Variants in NHSL2 observed in about 807,000 individuals in gnomAD.
NHSL2 encodes NHS-like protein 2.
Under a neutral mutation model 53.4 loss-of-function variants are expected in NHSL2, and 27 were observed. The observed-to-expected ratio is 0.51, with a 90% CI of 0.37 to 0.70. NHSL2 has a LOEUF of 0.70. Ranked by LOEUF, NHSL2 falls within the 30% of genes least tolerant of loss-of-function variation. The pLI is 0.00. For synonymous variants in NHSL2, 408 were observed against 404.1 expected (o/e 1.01, Z -0.12); for missense variants, 892 against 980.1 (o/e 0.91, Z 1.20).
chrX:71,981,662 A>C (rs1361544822), intron 1 of NHSL2, among the ~76,000 whole-genome samples: 3 of 112,154 alleles, frequency 2.7e-5, no homozygotes, highest in African/African-American at 9.7e-5. Context: ...AAAATGAACA[A>C]AGATCTGAAT....
rs1442087118 is a variant in NHSL2 at position 72,132,125 on chromosome X, G to A, written c.327G>A (p.Ser109=). ...GRENATATAH[S]RSSWRQPVNV... The stretch of plus-strand genomic sequence containing the variant: ...AAAATGCGACAGCGACTGCCCACTC[G>A]AGGTCGTCATGGCGACAGCCAGTGA... The change falls in exon 2 of 8, where the codon TCG becomes TCA. Residue 109 remains serine (S), a synonymous_variant. Transcript: ENST00000633930. The A allele has an allele frequency of 1.8e-5, 21 of 1,165,188 alleles. No homozygotes were observed. Among genetic ancestry groups the A allele is most frequent in the Non-Finnish European group, 2.3e-5 (20 of 872,020 alleles).
intron 1 of NHSL2, among the ~76,000 whole-genome samples, chrX:72,121,450 A>G (rs371317500): frequency 2.7e-5 from 3 of 111,938 alleles, no homozygotes; most frequent in Admixed American, 9.4e-5. Context: ...CAACATTTCC[A>G]TGGTAAGGAA....
At chrX:72,027,976 T>TTGCTGCTGCTGCTGCTGCCGCTGC (rs886794290) in intron 1 of NHSL2, among the ~76,000 whole-genome samples, 1 of 111,472 alleles carries the variant, frequency 9.0e-6, no homozygotes, top group Non-Finnish European at 1.9e-5. Flanking sequence ...GGTGTTGAGT[T>TTGCTGCTGCTGCTGCTGCCGCTGC]TGCTGCTGCT....
chrX:72,114,680 T>C (rs374001676), intron 1 of NHSL2, among the ~76,000 whole-genome samples: 1 of 112,259 alleles, frequency 8.9e-6, no homozygotes, highest in Non-Finnish European at 1.9e-5. Context: ...AGATGTGACA[T>C]TGGACAAAGT....
At chrX:71,949,180 T>C (rs1352672873) in intron 1 of NHSL2, among the ~76,000 whole-genome samples, 1 of 111,634 alleles carries the variant, frequency 9.0e-6, no homozygotes, top group African/African-American at 3.3e-5. Context: ...ATATGGCAGT[T>C]TTTAAAATTA....
chrX:72,071,081 C>T lies in NHSL2; in HGVS notation c.281-60998C>T, dbSNP rs746702152. ...CAGGGCGTGGTGGGGAGAGAAGCTA[C>T]AGGAAAGCAACTTGGGATATGCTGG... On this transcript the variant is annotated intron_variant, in intron 1 of 7. Coordinates refer to ENST00000633930, the MANE Select transcript of NHSL2 (RefSeq NM_001013627.3). 5.4e-5 allele frequency among the ~76,000 whole-genome samples: 6 copies of T among 111,220 alleles called. No individual in the cohort carries two copies. The East Asian group carries it at 1.4e-3, about 26-fold the overall frequency.
rs182441897 is a variant in NHSL2 at position 72,106,385 on chromosome X, C to G, written c.281-25694C>G. ...GTTTAAAAAACGAATTTTCCACACTCAGAAGTGCAGCTTAAAAATAAATAA... is the reference window on the plus strand; with the variant it reads ...GTTTAAAAAACGAATTTTCCACACTGAGAAGTGCAGCTTAAAAATAAATAA... On this transcript the variant is annotated intron_variant, in intron 1 of 7. Coordinates refer to ENST00000633930, the MANE Select transcript of NHSL2 (RefSeq NM_001013627.3). Among the ~76,000 whole-genome samples, 6 of 111,945 alleles carry G rather than the reference C, an allele frequency of 5.4e-5. No homozygotes were observed. In the Admixed American group the frequency reaches 5.7e-4, roughly 11 times the overall value.
At chrX:72,142,915 C>T (rs1311027812) in intron 7 of NHSL2, among the ~76,000 whole-genome samples, 2 of 111,609 alleles carry the variant, frequency 1.8e-5, no homozygotes, top group Non-Finnish European at 3.8e-5. Flanking sequence ...AGCTAGACCA[C>T]CAGTCCAGAA....
At chrX:72,011,981 G>C (rs1034843424) in intron 1 of NHSL2, among the ~76,000 whole-genome samples, 11 of 111,532 alleles carry the variant, frequency 9.9e-5, no homozygotes, top group Admixed American at 6.7e-4. Flanking sequence ...ATTTTTAACT[G>C]TCGAGTTTTG....
intron 1 of NHSL2, chrX:72,044,842 C>T (rs1347415137): frequency 1.9e-5 from 21 of 1,090,610 alleles, no homozygotes; most frequent in East Asian, 3.0e-5. Flanking sequence ...ACCCCCACCC[C>T]GATTTAGACC....
Position 72,134,107 on chromosome X carries a change from G to T in NHSL2, c.453G>T (p.Gln151His). 1 of 1,167,321 alleles carries T rather than the reference G, an allele frequency of 8.6e-7. No individual in the cohort carries two copies. The highest frequency in any genetic ancestry group is 3.3e-5 in the East Asian group (1 of 30,763). Residue 151 changes from glutamine (Q) to histidine (H), a missense_variant, in exon 3 of 8, where the codon CAG (glutamine) becomes CAT (histidine). By Grantham distance (24) the Gln-to-His change is conservative. Transcript: ENST00000633930. ...QSLLQEEYEE[Q>H]YSEARLVGQT... ...ATTTTTCAGAAGAATATGAGGAACA[G>T]TACTCGGAGGCCAGACTTGTGGGGC...
At chrX:71,998,988 C>T (rs1351077257) in intron 1 of NHSL2, among the ~76,000 whole-genome samples, 1 of 112,409 alleles carries the variant, frequency 8.9e-6, no homozygotes, top group Non-Finnish European at 1.9e-5. Context: ...GACTGTTGTT[C>T]CTTCTGCTTC....
chrX:71,971,577 C>T (rs1266417382), intron 1 of NHSL2, among the ~76,000 whole-genome samples: 1 of 111,432 alleles, frequency 9.0e-6, no homozygotes, highest in Non-Finnish European at 1.9e-5. Context: ...CCTCCTTTAC[C>T]CTATTGTTGT....
chrX:72,134,688 GC>G lies in NHSL2; in HGVS notation c.747del (p.Ile250SerfsTer25). On this transcript the variant is annotated frameshift_variant, in exon 4 of 8. Transcript: ENST00000633930. LOFTEE classifies it high-confidence loss of function. Reference sequence around the variant, plus strand: ...TTTGCTCCACGCAGTCTGACATTGTGCCCATCAACATCTCTGGTAGAGTTGC... The same window carrying G: ...TTTGCTCCACGCAGTCTGACATTGTGCCATCAACATCTCTGGTAGAGTTGC... Reference protein sequence around the residue: ...QLCSTQSDIVPINISGQQFDK... With the variant: ...QLCSTQSDIVXINISGQQFDK... The G allele has an allele frequency of 2.6e-6, 3 of 1,163,759 alleles. No homozygotes were observed. Among genetic ancestry groups the G allele is most frequent in the Non-Finnish European group, 3.5e-6 (3 of 868,996 alleles).
intron 1 of NHSL2, among the ~76,000 whole-genome samples, chrX:71,934,061 C>G (rs913831355): frequency 9.0e-6 from 1 of 110,763 alleles, no homozygotes; most frequent in Non-Finnish European, 1.9e-5. Context: ...TCCCTACCAC[C>G]CCCACCATAT....
chrX:71,922,700 G>A (rs2041665956), intron 1 of NHSL2, among the ~76,000 whole-genome samples: 1 of 112,268 alleles, frequency 8.9e-6, no homozygotes, highest in African/African-American at 3.2e-5. Context: ...TGTTTAAGAA[G>A]GCTGAGAAGG....
intron 1 of NHSL2, among the ~76,000 whole-genome samples, chrX:72,001,567 C>T (rs901284567): frequency 8.9e-6 from 1 of 111,859 alleles, no homozygotes; most frequent in Non-Finnish European, 1.9e-5. Context: ...GTTTCCTCCA[C>T]ACTGAGATCC....
At chrX:72,089,417 C>G (rs1409221869) in intron 1 of NHSL2, among the ~76,000 whole-genome samples, 2 of 111,412 alleles carry the variant, frequency 1.8e-5, no homozygotes, top group African/African-American at 6.5e-5. Flanking sequence ...GGGGTACTCA[C>G]TCGCTAATGG....
At chrX:72,064,501 T>A (rs1427539953) in intron 1 of NHSL2, among the ~76,000 whole-genome samples, 3 of 111,575 alleles carry the variant, frequency 2.7e-5, no homozygotes, top group Non-Finnish European at 5.7e-5. Context: ...GACAGGGTGG[T>A]TGTGAGGAGT....
Sources: gnomAD v4.1 joint callset for allele counts (sites outside exome capture counted in the v4.1 genomes callset) on GRCh38, gnomAD v4.1.1 for gene constraint, MANE v1.5 for transcripts, NCBI Gene and HGNC (gene_info 2026-07-23, HGNC 2026-07-21) for gene names.